Variants in NR3C2 observed in about 807,000 individuals in gnomAD.
NR3C2 encodes the protein nuclear receptor subfamily 3 group C member 2.
In NR3C2, 15 loss-of-function variants were observed where a neutral mutation model predicts 86.4. The observed-to-expected ratio is 0.17, with a 90% CI of 0.12 to 0.27. NR3C2 has a LOEUF of 0.27. Ranked by LOEUF, NR3C2 falls within the 10% of genes least tolerant of loss-of-function variation. The probability of loss-of-function intolerance (pLI) is 1.00; values close to 1 mark genes in which losing one functional copy is unlikely to be tolerated. For synonymous variants in NR3C2, 458 were observed against 450.5 expected (o/e 1.02, Z -0.21); for missense variants, 960 against 1,195.6 (o/e 0.80, Z 2.91).
In NR3C2 at chr4:148,329,149, C is replaced by G. The variant is rs185964669; in HGVS notation, c.1758-69032G>C. Among the ~76,000 whole-genome samples, 4 of 152,252 alleles carry G rather than the reference C, an allele frequency of 2.6e-5. No homozygotes were observed. The East Asian group carries it at 7.7e-4, about 29-fold the overall frequency. ...TGAGACTCCAGGGCACATAGGGGCC[C>G]TGGTGAATGGAGTAGCATGGTGATA... On this transcript the variant is annotated intron_variant, in intron 2 of 8. Coordinates refer to ENST00000358102, the MANE Select transcript of NR3C2 (RefSeq NM_000901.5).
At chr4:148,319,920 T>C (rs908993259) in intron 2 of NR3C2, among the ~76,000 whole-genome samples, 6 of 143,030 alleles carry the variant, frequency 4.2e-5, no homozygotes, top group African/African-American at 1.3e-4. Flanking sequence ...CTATGTTGAA[T>C]AGGAGTGGTG....
At chr4:148,142,627 TGGGACCACA>T (rs1304402323) in intron 6 of NR3C2, among the ~76,000 whole-genome samples, 1 of 152,176 alleles carries the variant, frequency 6.6e-6, no homozygotes, top group East Asian at 1.9e-4. Context: ...CCTGAGTAGC[TGGGACCACA>T]GGTGTGCACC....
chr4:148,094,602 T>A (rs1179097580), intron 8 of NR3C2, among the ~76,000 whole-genome samples: 11 of 151,414 alleles, frequency 7.3e-5, no homozygotes, highest in Admixed American at 1.3e-4. Context: ...GTAATCCCAG[T>A]TACTCGGGAA....
chr4:148,382,343 T>A (rs1021950349), intron 2 of NR3C2, among the ~76,000 whole-genome samples: 1 of 152,210 alleles, frequency 6.6e-6, no homozygotes, highest in Non-Finnish European at 1.5e-5. Flanking sequence ...AATAAGAATA[T>A]GGTCCGTGCA....
intron 2 of NR3C2, among the ~76,000 whole-genome samples, chr4:148,374,155 A>T (rs1746558952): frequency 6.6e-6 from 1 of 152,230 alleles, no homozygotes; most frequent in Admixed American, 6.5e-5. Flanking sequence ...ACAATAGCCT[A>T]TCATAAAAGA....
intron 8 of NR3C2, among the ~76,000 whole-genome samples, chr4:148,089,682 A>G (rs1226748148): frequency 1.3e-5 from 2 of 152,156 alleles, no homozygotes; most frequent in Non-Finnish European, 2.9e-5. Flanking sequence ...AGGAATATTT[A>G]AGAAACATGC....
chr4:148,242,439 T>C (rs1256186446), intron 3 of NR3C2, among the ~76,000 whole-genome samples: 1 of 152,202 alleles, frequency 6.6e-6, no homozygotes, highest in African/African-American at 2.4e-5. Flanking sequence ...TGTAGGAATA[T>C]GCATACATAT....
chr4:148,097,751 G>GT (rs553156519), intron 8 of NR3C2, among the ~76,000 whole-genome samples: 1,162 of 102,886 alleles, frequency 0.011, 15 homozygotes, highest in Admixed American at 0.036. Context: ...GTTTTTTTTT[G>GT]TTTTTTTTTT....
At chr4:148,086,866 C>A (rs1241776627) in intron 8 of NR3C2, among the ~76,000 whole-genome samples, 1 of 152,184 alleles carries the variant, frequency 6.6e-6, no homozygotes. Context: ...CGAAAACCGG[C>A]ACAATACAAG....
chr4:148,285,842 C>T (rs1218508999), intron 2 of NR3C2, among the ~76,000 whole-genome samples: 2 of 152,136 alleles, frequency 1.3e-5, no homozygotes, highest in East Asian at 1.9e-4. Context: ...TTAAAAAGTG[C>T]GATGCTTTCT....
At chr4:148,170,265 C>A (rs1325760467) in intron 4 of NR3C2, among the ~76,000 whole-genome samples, 2 of 152,104 alleles carry the variant, frequency 1.3e-5, no homozygotes, top group Non-Finnish European at 2.9e-5. Context: ...CTGGTCTATA[C>A]TAAGGAAGTT....
intron 2 of NR3C2, among the ~76,000 whole-genome samples, chr4:148,331,564 T>C (rs1421715522): frequency 1.3e-5 from 2 of 152,236 alleles, no homozygotes; most frequent in Non-Finnish European, 2.9e-5. Flanking sequence ...ACAGTTTAAA[T>C]TGAACTTTTT....
intron 2 of NR3C2, among the ~76,000 whole-genome samples, chr4:148,325,253 A>G (rs1743903382): frequency 6.6e-6 from 1 of 152,174 alleles, no homozygotes; most frequent in Non-Finnish European, 1.5e-5. Flanking sequence ...CATAACTTTG[A>G]GCAAGACATC....
intron 2 of NR3C2, among the ~76,000 whole-genome samples, chr4:148,278,550 CATAA>C (rs374537573): frequency 4.9e-4 from 75 of 152,226 alleles, no homozygotes; most frequent in African/African-American, 1.3e-3. Flanking sequence ...TGACCATAAA[CATAA>C]ATAAATACAC....
intron 2 of NR3C2, among the ~76,000 whole-genome samples, chr4:148,399,984 T>C (rs539944756): frequency 1.3e-5 from 2 of 152,366 alleles, no homozygotes; most frequent in South Asian, 4.1e-4. Context: ...TGATTTAGAA[T>C]GCAGCTTCTT....
intron 2 of NR3C2, among the ~76,000 whole-genome samples, chr4:148,413,392 G>A (rs968485929): frequency 6.6e-6 from 1 of 152,010 alleles, no homozygotes; most frequent in Non-Finnish European, 1.5e-5. Flanking sequence ...ACAGCTGTAA[G>A]AATACATTGA....
intron 3 of NR3C2, among the ~76,000 whole-genome samples, chr4:148,235,906 C>T (rs929082338): frequency 3.3e-5 from 5 of 152,174 alleles, no homozygotes; most frequent in Admixed American, 2.6e-4. Context: ...TACCTTTCTT[C>T]CTCCATCTTT....
chr4:148,264,136 G>A (rs1740260883), intron 2 of NR3C2, among the ~76,000 whole-genome samples: 1 of 151,958 alleles, frequency 6.6e-6, no homozygotes, highest in Admixed American at 6.6e-5. Context: ...TTGCACAGAG[G>A]AAAAAAAGAA....
chr4:148,391,151 C>T (rs927389390), intron 2 of NR3C2, among the ~76,000 whole-genome samples: 1 of 152,036 alleles, frequency 6.6e-6, no homozygotes, highest in African/African-American at 2.4e-5. Flanking sequence ...AAATAATATC[C>T]CACACATATT....
Sources: gnomAD v4.1 joint callset for allele counts (sites outside exome capture counted in the v4.1 genomes callset) on GRCh38, gnomAD v4.1.1 for gene constraint, MANE v1.5 for transcripts, NCBI Gene and HGNC (gene_info 2026-07-23, HGNC 2026-07-21) for gene names.